DIAPH2: variants seen among roughly 807,000 people sequenced by gnomAD.
DIAPH2 encodes protein diaphanous homolog 2.
A neutral mutation model predicts 92.7 loss-of-function variants in DIAPH2; 35 were observed. The observed-to-expected ratio is 0.38, with a 90% CI of 0.29 to 0.50. The LOEUF is 0.50. Among genes scored for constraint, DIAPH2 ranks in the 20% least tolerant of loss-of-function variants. The pLI is 0.94. For synonymous variants in DIAPH2, 301 were observed against 280.4 expected (o/e 1.07, Z -0.73); for missense variants, 701 against 819.5 (o/e 0.86, Z 1.77).
chrX:96,883,974 AATAG>A (rs1178151111), intron 5 of DIAPH2: 2 of 174,576 alleles, frequency 1.1e-5, no homozygotes, highest in African/African-American at 6.1e-5. Flanking sequence ...TGGGACTTTT[AATAG>A]ATAGGCGCTT....
At chrX:97,315,666 A>AT (rs5903074) in intron 23 of DIAPH2, among the ~76,000 whole-genome samples, 45,391 of 100,797 alleles carry the variant, frequency 0.45, 7,600 homozygotes, top group East Asian at 0.63. Flanking sequence ...TCTTTTAACC[A>AT]TTTTTTTTTT....
intron 26 of DIAPH2, among the ~76,000 whole-genome samples, chrX:97,552,799 G>A (rs775912809): frequency 1.8e-5 from 2 of 111,942 alleles, no homozygotes; most frequent in African/African-American, 6.5e-5. Flanking sequence ...TGCTAGGGCA[G>A]TTACAATAAA....
At chrX:96,825,354 CT>C (rs57788752) in intron 4 of DIAPH2, among the ~76,000 whole-genome samples, 10,549 of 82,386 alleles carry the variant, frequency 0.13, 513 homozygotes, top group East Asian at 0.37. Context: ...CATGTGTTTT[CT>C]TTTTTTTTTT....
At chrX:96,999,767 A>G (rs2066130722) in intron 17 of DIAPH2, among the ~76,000 whole-genome samples, 1 of 111,340 alleles carries the variant, frequency 9.0e-6, no homozygotes, top group Non-Finnish European at 1.9e-5. Flanking sequence ...TCTCATCTTG[A>G]AATGTAGCTC....
chrX:97,091,717 C>T (rs1298282272), intron 19 of DIAPH2, among the ~76,000 whole-genome samples: 2 of 111,679 alleles, frequency 1.8e-5, no homozygotes, highest in East Asian at 5.6e-4. Flanking sequence ...GATTATTTCA[C>T]CATATTCTGG....
In DIAPH2 at chrX:97,402,072, C is replaced by T. The variant is rs570446189; in HGVS notation, c.3145+18028C>T. Among the ~76,000 whole-genome samples the T allele has an allele frequency of 5.3e-5, 6 of 112,267 alleles. No individual in the cohort carries two copies. The South Asian group carries it at 2.2e-3, about 42-fold the overall frequency. ...GTGGGAGGATACCCTTGGCATTGGA[C>T]TCTTTACAGGGAACTCAGTAGAGTC... is the stretch of plus-strand genomic sequence containing the variant. On this transcript the variant is annotated intron_variant, in intron 25 of 26. Coordinates refer to ENST00000324765, the MANE Select transcript of DIAPH2 (RefSeq NM_006729.5).
intron 22 of DIAPH2, among the ~76,000 whole-genome samples, chrX:97,243,467 A>T (rs2068114741): frequency 9.4e-6 from 1 of 106,055 alleles, no homozygotes; most frequent in Non-Finnish European, 1.9e-5. Context: ...TGTCACTTTT[A>T]CCTCAAAGGT....
intron 26 of DIAPH2, among the ~76,000 whole-genome samples, chrX:97,579,857 G>A (rs1177323464): frequency 2.7e-5 from 3 of 109,813 alleles, no homozygotes; most frequent in African/African-American, 1.0e-4. Flanking sequence ...GCAGCGGTTT[G>A]TAGTTCTCCT....
chrX:97,435,056 G>A (rs766851846), intron 26 of DIAPH2, among the ~76,000 whole-genome samples: 45 of 111,345 alleles, frequency 4.0e-4, no homozygotes, highest in Non-Finnish European at 7.4e-4. Flanking sequence ...AAAGGAAGAG[G>A]GAAGTCCTAA....
intron 17 of DIAPH2, among the ~76,000 whole-genome samples, chrX:96,991,529 G>A (rs1277463720): frequency 4.0e-5 from 2 of 49,942 alleles, no homozygotes; most frequent in African/African-American, 1.6e-4. Flanking sequence ...AAGGTATCCT[G>A]TTTTATGGTG....
At chrX:97,162,876 T>A (rs910278787) in intron 22 of DIAPH2, among the ~76,000 whole-genome samples, 1 of 111,714 alleles carries the variant, frequency 9.0e-6, no homozygotes, top group African/African-American at 3.3e-5. Context: ...CCCCTTTCTT[T>A]CTTCATTTCT....
At chrX:96,875,472 T>G (rs183960891) in intron 4 of DIAPH2, among the ~76,000 whole-genome samples, 1 of 112,109 alleles carries the variant, frequency 8.9e-6, no homozygotes, top group Non-Finnish European at 1.9e-5. Context: ...TTATTTAAAT[T>G]TTTTTGGGAA....
intron 25 of DIAPH2, among the ~76,000 whole-genome samples, chrX:97,421,227 AT>A (rs1335784129): frequency 4.5e-5 from 5 of 112,081 alleles, no homozygotes; most frequent in Admixed American, 1.9e-4. Flanking sequence ...TTGCAGAACG[AT>A]GTGTTATTTT....
At chrX:96,698,511 G>A (rs1207791434) in intron 1 of DIAPH2, among the ~76,000 whole-genome samples, 1 of 110,861 alleles carries the variant, frequency 9.0e-6, no homozygotes, top group Non-Finnish European at 1.9e-5. Context: ...CTTGTGACGA[G>A]TAATAGACCC....
rs747003623 is a variant in DIAPH2 at position 97,353,806 on chromosome X, C to T, written c.3009+5526C>T. 3.6e-5 allele frequency among the ~76,000 whole-genome samples: 4 copies of T among 111,102 alleles called. No homozygotes were observed. In the South Asian group the frequency reaches 1.5e-3, roughly 43 times the overall value. ...TTTATGCCATTATTCAGGCTTGCTG[C>T]TTCTACTTCCCAGATTGACTGATTG... On this transcript the variant is annotated intron_variant, in intron 24 of 26. Coordinates refer to ENST00000324765, the MANE Select transcript of DIAPH2 (RefSeq NM_006729.5).
intron 4 of DIAPH2, among the ~76,000 whole-genome samples, chrX:96,877,443 GC>G (rs1349151161): frequency 9.0e-6 from 1 of 111,404 alleles, no homozygotes; most frequent in African/African-American, 3.3e-5. Context: ...TGAAAATATT[GC>G]CCATCCTATT....
chrX:97,389,239 C>T (rs1342335316), intron 25 of DIAPH2, among the ~76,000 whole-genome samples: 2 of 109,361 alleles, frequency 1.8e-5, no homozygotes, highest in African/African-American at 3.3e-5. Flanking sequence ...GTGGCCTAGG[C>T]GGGTGGATCA....
chrX:97,440,147 C>T (rs2070238365), intron 26 of DIAPH2, among the ~76,000 whole-genome samples: 2 of 111,556 alleles, frequency 1.8e-5, no homozygotes, highest in African/African-American at 3.3e-5. Flanking sequence ...GAAATACCCA[C>T]GTCCAGTTCC....
chrX:96,784,991 T>TA (rs2064444844), intron 4 of DIAPH2, among the ~76,000 whole-genome samples: 1 of 112,178 alleles, frequency 8.9e-6, no homozygotes, highest in Admixed American at 9.5e-5. Flanking sequence ...GCAGGCTGTC[T>TA]AATCTTGCTT....
Sources: gnomAD v4.1 joint callset for allele counts (sites outside exome capture counted in the v4.1 genomes callset) on GRCh38, gnomAD v4.1.1 for gene constraint, MANE v1.5 for transcripts, NCBI Gene and HGNC (gene_info 2026-07-23, HGNC 2026-07-21) for gene names.